Variants in RBPJ observed in about 807,000 individuals in gnomAD.
RBPJ encodes the protein recombining binding protein suppressor of hairless.
In RBPJ, 9 loss-of-function variants were observed where a neutral mutation model predicts 67.8. The observed-to-expected ratio is 0.13, with a 90% CI of 0.08 to 0.23. The LOEUF (loss-of-function observed/expected upper bound fraction) is 0.23, where lower values mean the gene tolerates loss of function less well. Among genes scored for constraint, RBPJ ranks in the 10% least tolerant of loss-of-function variants. The pLI is 1.00. For synonymous variants in RBPJ, 198 were observed against 203.3 expected (o/e 0.97, Z 0.22); for missense variants, 305 against 595.6 (o/e 0.51, Z 5.08).
chr4:26,368,575 G>A (rs950904168), intron 1 of RBPJ, among the ~76,000 whole-genome samples: 1 of 151,914 alleles, frequency 6.6e-6, no homozygotes, highest in Non-Finnish European at 1.5e-5. Flanking sequence ...TTTTTCTTTG[G>A]TAAATTTCTC....
At position 26,253,678 on chromosome 4, in the gene RBPJ, G is replaced by A. The variant is rs986141570; in HGVS notation, c.-167+90064G>A. ...TTTTGCTGATTTTCCTCCCCATACC[G>A]GTCATGATAAAATCATTGAAATGTC... On this transcript the variant is annotated intron_variant, in intron 1 of 4. Coordinates refer to the RBPJ transcript ENST00000512351. Among the ~76,000 whole-genome samples, 5 of 147,076 alleles carry A rather than the reference G, an allele frequency of 3.4e-5. 1 individual carries two copies. The highest frequency in any genetic ancestry group is 6.6e-5 in the Admixed American group (1 of 15,048).
intron 2 of RBPJ, among the ~76,000 whole-genome samples, chr4:26,396,766 T>G (rs1006911570): frequency 2.0e-5 from 3 of 152,216 alleles, no homozygotes; most frequent in African/African-American, 7.2e-5. Flanking sequence ...ACAAAAAACT[T>G]TTTGTGGAAT....
In RBPJ at chr4:26,412,536, G is replaced by A. The variant is rs2109772582; in HGVS notation, c.156-2939G>A. Among the ~76,000 whole-genome samples, 2 of 152,258 alleles carry A rather than the reference G, an allele frequency of 1.3e-5. 1 individual carries two copies. Among genetic ancestry groups the A allele is most frequent in the South Asian group, 4.2e-4 (2 of 4,816 alleles). Reference sequence around the variant, plus strand: ...CATGAGTCACTGCACCCAGCCTGGAGCATTTTAGATTTGGGATGTTCAACC... The same window carrying A: ...CATGAGTCACTGCACCCAGCCTGGAACATTTTAGATTTGGGATGTTCAACC... On this transcript the variant is annotated intron_variant, in intron 3 of 10. Transcript: ENST00000355476.
chr4:26,416,575 ATTTAGCTATGGTTTTATTTTTCC>A (rs1734612115), intron 4 of RBPJ, among the ~76,000 whole-genome samples: 1 of 152,182 alleles, frequency 6.6e-6, no homozygotes, highest in African/African-American at 2.4e-5. Context: ...TTCACTTAGA[ATTTAGCTATGGTTTTATTTTTCC>A]TTGCTACTGT....
chr4:26,357,919 A>G (rs555942749), intron 1 of RBPJ, among the ~76,000 whole-genome samples: 3 of 152,228 alleles, frequency 2.0e-5, no homozygotes, highest in African/African-American at 7.2e-5. Context: ...TTAAAGCAGA[A>G]TAGTATTCCA....
At chr4:26,376,302 G>T (rs1401180803) in intron 1 of RBPJ, among the ~76,000 whole-genome samples, 2 of 151,930 alleles carry the variant, frequency 1.3e-5, no homozygotes, top group African/African-American at 4.8e-5. Flanking sequence ...TTCCCCCCAG[G>T]TCCCTGGTAG....
intron 1 of RBPJ, among the ~76,000 whole-genome samples, chr4:26,191,210 T>TAGAGAGAGAGAGAG (rs545388933): frequency 3.0e-4 from 8 of 26,836 alleles, no homozygotes; most frequent in East Asian, 2.0e-3. Flanking sequence ...TATATATATA[T>TAGAGAGAGAGAGAG]AGAGAGAGAG....
At chr4:26,115,228 C>T in the RBPJ span, among the ~76,000 whole-genome samples, 255 of 152,332 alleles carry the variant, frequency 1.7e-3, no homozygotes, top group Admixed American at 5.0e-3. Context: ...CCACATACCT[C>T]TTTTTATATT....
intron 1 of RBPJ, among the ~76,000 whole-genome samples, chr4:26,373,982 G>A (rs58429332): frequency 0.096 from 13,507 of 141,002 alleles, 782 homozygotes; most frequent in East Asian, 0.32. Flanking sequence ...GCAGTGGCAC[G>A]ATCTTGGCTC....
At chr4:26,341,286 G>A (rs1288956719) in intron 1 of RBPJ, among the ~76,000 whole-genome samples, 1 of 152,102 alleles carries the variant, frequency 6.6e-6, no homozygotes, top group African/African-American at 2.4e-5. Context: ...TCAACAAGAA[G>A]GGAGTGATCC....
At chr4:26,328,318 A>C (rs1222945738) in intron 1 of RBPJ, among the ~76,000 whole-genome samples, 1 of 152,186 alleles carries the variant, frequency 6.6e-6, no homozygotes, top group Non-Finnish European at 1.5e-5. Context: ...ATATTTATTA[A>C]ATAAGCAGTT....
chr4:26,258,061 C>T lies in RBPJ; in HGVS notation c.-167+94447C>T, dbSNP rs537486746. Among the ~76,000 whole-genome samples, 21 of 152,196 alleles carry T rather than the reference C, an allele frequency of 1.4e-4. 2 individuals carry two copies. Among genetic ancestry groups the T allele is most frequent in the Admixed American group, 5.9e-4 (9 of 15,284 alleles). The stretch of plus-strand genomic sequence containing the variant: ...ACAGGCTCACATTATGTCAGATAGT[C>T]GGGAAATGTGTTGTAAGAATACCAG... On this transcript the variant is annotated intron_variant, in intron 1 of 4. Coordinates refer to the RBPJ transcript ENST00000512351.
intron 2 of RBPJ, among the ~76,000 whole-genome samples, chr4:26,405,835 A>G (rs1035658530): frequency 6.6e-6 from 1 of 152,166 alleles, no homozygotes; most frequent in Admixed American, 6.5e-5. Flanking sequence ...TATTAACTTT[A>G]TAATATTTTA....
chr4:26,165,883 C>T (rs1481905312), intron 1 of RBPJ, among the ~76,000 whole-genome samples: 2 of 129,612 alleles, frequency 1.5e-5, no homozygotes, highest in Non-Finnish European at 3.1e-5. Flanking sequence ...CACCCCACAA[C>T]AGTCCCCAGA....
At position 26,191,202 on chromosome 4, in the gene RBPJ, TATATATATAGAGAGAG is replaced by T. The variant is rs761821156; in HGVS notation, c.-167+27590_-167+27605del. Among the ~76,000 whole-genome samples the T allele has an allele frequency of 5.6e-3, 181 of 32,164 alleles. 2 individuals carry two copies. Among genetic ancestry groups the T allele is most frequent in the South Asian group, 8.4e-3 (3 of 358 alleles). 21.1% of individuals were successfully genotyped at this position (32,164 alleles called of 152,430 possible). On this transcript the variant is annotated intron_variant, in intron 1 of 4. Coordinates refer to the RBPJ transcript ENST00000512351. ...AAAAATATATATATATATATATATA[TATATATATAGAGAGAG>T]AGAGAGAGAGAGAGAGAGAGAGATA...
At chr4:26,245,145 T>A (rs1010380600) in intron 1 of RBPJ, among the ~76,000 whole-genome samples, 2 of 151,310 alleles carry the variant, frequency 1.3e-5, no homozygotes, top group Non-Finnish European at 2.9e-5. Flanking sequence ...AGAAACACTA[T>A]CCATTAGCAG....
chr4:26,263,262 C>T (rs1378659441), intron 1 of RBPJ, among the ~76,000 whole-genome samples: 1 of 152,198 alleles, frequency 6.6e-6, no homozygotes, highest in Non-Finnish European at 1.5e-5. Flanking sequence ...CTTTCATCCA[C>T]ACACTTAGAC....
chr4:26,272,409 A>C (rs1398227552), intron 1 of RBPJ, among the ~76,000 whole-genome samples: 1 of 151,972 alleles, frequency 6.6e-6, no homozygotes, highest in Non-Finnish European at 1.5e-5. Context: ...GTACAAAAAA[A>C]ATTTTTTTTT....
chr4:26,276,574 T>G (rs1395660336), intron 1 of RBPJ, among the ~76,000 whole-genome samples: 4 of 152,252 alleles, frequency 2.6e-5, no homozygotes, highest in African/African-American at 9.6e-5. Flanking sequence ...CTCAGGCTTG[T>G]TCTTCCATTG....
Sources: allele counts gnomAD v4.1 joint callset (sites outside exome capture counted in the v4.1 genomes callset), GRCh38; gene constraint gnomAD v4.1.1; transcripts MANE v1.5; gene names NCBI Gene and HGNC (gene_info 2026-07-23, HGNC 2026-07-21).